The following ROBO1 variants were observed in gnomAD, a reference collection of about 807,000 sequenced individuals.
ROBO1 encodes the protein roundabout homolog 1.
In ROBO1, 149 loss-of-function variants were observed where a neutral mutation model predicts 195.9. The observed-to-expected ratio is 0.76, with a 90% CI of 0.67 to 0.87. ROBO1 has a LOEUF of 0.87. Ranked by LOEUF, ROBO1 falls within the 40% of genes least tolerant of loss-of-function variation. ROBO1 has a pLI of 0.00. For missense variants in ROBO1, 1,933 were observed against 2,068.3 expected, an observed-to-expected ratio of 0.93 and a Z score of 1.27; for synonymous variants, 816 against 733.2, an observed-to-expected ratio of 1.11 and a Z score of -1.82.
intron 5 of ROBO1, among the ~76,000 whole-genome samples, chr3:78,740,396 A>T (rs1287308731): frequency 1.3e-5 from 2 of 151,388 alleles, no homozygotes; most frequent in East Asian, 1.9e-4. Context: ...AATTTAAATA[A>T]TTTTTATTTA....
chr3:78,678,952 T>C lies in ROBO1; in HGVS notation c.1342+6794A>G, dbSNP rs566735556. Among the ~76,000 whole-genome samples the C allele has an allele frequency of 2.4e-3, 369 of 151,924 alleles. 1 individual carries two copies. The highest frequency in any genetic ancestry group is 8.4e-3 in the African/African-American group (347 of 41,302). On this transcript the variant is annotated intron_variant, in intron 10 of 30. Transcript: ENST00000464233. The stretch of plus-strand genomic sequence containing the variant: ...TAAAATACTGGCAAACCGAATCCAG[T>C]AGCACATCAAAAAGCTTATCCACCA...
intron 3 of ROBO1, chr3:79,019,217 T>C (rs903923704): frequency 8.1e-6 from 8 of 986,076 alleles, no homozygotes; most frequent in South Asian, 4.7e-5. Context: ...CCTCGCCCTC[T>C]GGGGCGCTCG....
At chr3:79,722,970 C>T (rs1302197197) in intron 1 of ROBO1, among the ~76,000 whole-genome samples, 1 of 152,044 alleles carries the variant, frequency 6.6e-6, no homozygotes, top group Non-Finnish European at 1.5e-5. Flanking sequence ...ATTTGACATA[C>T]AGTTAATATA....
chr3:79,097,363 T>A (rs1049056050), intron 3 of ROBO1, among the ~76,000 whole-genome samples: 1 of 151,940 alleles, frequency 6.6e-6, no homozygotes, highest in African/African-American at 2.4e-5. Flanking sequence ...GTTGTTCTGA[T>A]TCAGAAAATA....
chr3:79,222,036 A>G (rs2082148798), intron 2 of ROBO1, among the ~76,000 whole-genome samples: 2 of 152,084 alleles, frequency 1.3e-5, no homozygotes, highest in Admixed American at 1.3e-4. Flanking sequence ...AGTATTTCTT[A>G]AATGAAGAGT....
chr3:78,812,786 TAATAC>T (rs2084781955), intron 4 of ROBO1, among the ~76,000 whole-genome samples: 1 of 152,124 alleles, frequency 6.6e-6, no homozygotes, highest in Non-Finnish European at 1.5e-5. Context: ...ATGATAAATA[TAATAC>T]AATTGAACTA....
chr3:79,153,712 A>T (rs1199418988), intron 2 of ROBO1, among the ~76,000 whole-genome samples: 6 of 148,006 alleles, frequency 4.1e-5, no homozygotes, highest in Non-Finnish European at 7.5e-5. Context: ...TTATATATTT[A>T]TTTATTTGAA....
chr3:79,099,906 A>C (rs2079644393), intron 3 of ROBO1, among the ~76,000 whole-genome samples: 1 of 151,828 alleles, frequency 6.6e-6, no homozygotes, highest in African/African-American at 2.4e-5. Context: ...TATCCTCTGC[A>C]GAGGCCAGGG....
In ROBO1 at chr3:78,769,617, GGTT is replaced by G. The variant is rs762282858; in HGVS notation, c.500-22720_500-22718del. On this transcript the variant is annotated intron_variant, in intron 4 of 30. Coordinates refer to ENST00000464233, the MANE Select transcript of ROBO1 (RefSeq NM_002941.4). ...GTGCTTTTTGTTGCCAGTGTACTTT[GGTT>G]TTTTTTTTTTTTTTTTTTGCTTTTT... Among the ~76,000 whole-genome samples the G allele has an allele frequency of 3.2e-3, 236 of 72,934 alleles. 5 individuals are homozygous for G. Among genetic ancestry groups the G allele is most frequent in the South Asian group, 7.7e-3 (15 of 1,960 alleles). The allele number at this position is 72,934 out of a possible 152,430, so 47.8% of individuals were successfully genotyped here.
rs531574904 is a variant in ROBO1, at chr3:78,909,581, T to C, written c.499+29020A>G. ...AAGAAACCTTCTGATTATAATTTGA[T>C]TTCCTGGCAACAAAATAATTTATTT... On this transcript the variant is annotated intron_variant, in intron 4 of 30. Transcript: ENST00000464233. 5.3e-5 allele frequency among the ~76,000 whole-genome samples: 8 copies of C among 152,016 alleles called. No homozygotes were observed. In the East Asian group the frequency reaches 1.4e-3, roughly 26 times the overall value.
intron 4 of ROBO1, among the ~76,000 whole-genome samples, chr3:78,779,044 G>T (rs1318827403): frequency 2.0e-5 from 3 of 152,056 alleles, no homozygotes; most frequent in Non-Finnish European, 2.9e-5. Context: ...GGGAAAACGG[G>T]CAAGCCATAT....
chr3:79,617,419 C>G (rs572720491), intron 1 of ROBO1, among the ~76,000 whole-genome samples: 1 of 152,148 alleles, frequency 6.6e-6, no homozygotes, highest in African/African-American at 2.4e-5. Context: ...TACATTGTTG[C>G]AAATGTCAGC....
intron 4 of ROBO1, among the ~76,000 whole-genome samples, chr3:78,760,862 G>C (rs1421115051): frequency 1.3e-5 from 2 of 151,662 alleles, no homozygotes; most frequent in African/African-American, 4.8e-5. Context: ...GGTTAGTCTT[G>C]AACTCCTAGC....
chr3:78,777,681 A>T (rs573929913), intron 4 of ROBO1, among the ~76,000 whole-genome samples: 1 of 152,288 alleles, frequency 6.6e-6, no homozygotes. Context: ...CTTACTTTGT[A>T]TTATAAATTT....
intron 2 of ROBO1, among the ~76,000 whole-genome samples, chr3:79,509,913 T>A (rs553749797): frequency 8.5e-5 from 13 of 152,204 alleles, no homozygotes; most frequent in African/African-American, 3.1e-4. Context: ...ATATTACTCT[T>A]CCCAGTCATT....
chr3:79,627,882 CAT>C (rs1231943411), intron 1 of ROBO1, among the ~76,000 whole-genome samples: 4 of 152,040 alleles, frequency 2.6e-5, no homozygotes, highest in Non-Finnish European at 4.4e-5. Flanking sequence ...GGCCAACAAA[CAT>C]ATGAAAAAAA....
At chr3:79,245,874 G>C (rs2082616528) in intron 2 of ROBO1, among the ~76,000 whole-genome samples, 1 of 151,994 alleles carries the variant, frequency 6.6e-6, no homozygotes, top group East Asian at 1.9e-4. Flanking sequence ...GTTCCCTATG[G>C]AGCACAGACT....
chr3:79,404,448 C>T (rs2037472017), intron 2 of ROBO1, among the ~76,000 whole-genome samples: 1 of 152,048 alleles, frequency 6.6e-6, no homozygotes, highest in Admixed American at 6.6e-5. Flanking sequence ...TAGGTAAGCT[C>T]CAAATTTCAA....
intron 4 of ROBO1, among the ~76,000 whole-genome samples, chr3:78,792,390 C>G (rs2084046898): frequency 1.3e-5 from 2 of 152,142 alleles, no homozygotes; most frequent in Non-Finnish European, 2.9e-5. Flanking sequence ...TATTACTTTA[C>G]CTACTAATGT....
Sources: gnomAD v4.1 joint callset for allele counts (sites outside exome capture counted in the v4.1 genomes callset) on GRCh38, gnomAD v4.1.1 for gene constraint, MANE v1.5 for transcripts, NCBI Gene and HGNC (gene_info 2026-07-23, HGNC 2026-07-21) for gene names.